Variants in MDGA2 observed in about 807,000 individuals in gnomAD.
MDGA2 encodes MAM domain containing glycosylphosphatidylinositol anchor 2.
A neutral mutation model predicts 117.8 loss-of-function variants in MDGA2; 40 were observed. The observed-to-expected ratio is 0.34, with a 90% confidence interval of 0.26 to 0.44. The LOEUF (loss-of-function observed/expected upper bound fraction) is 0.44. MDGA2 is among the 20% of genes least tolerant of loss of function. The pLI, the probability that MDGA2 is intolerant of heterozygous loss-of-function variation, is 1.00. For missense variants in MDGA2, 1,123 were observed against 1,250.6 expected (o/e 0.90, Z 1.54); for synonymous variants, 452 against 439.0 (o/e 1.03, Z -0.37).
At chr14:47,013,772 G>GTATGTATATATATATATA (rs1555343312) in intron 8 of MDGA2, among the ~76,000 whole-genome samples, 6 of 93,684 alleles carry the variant, frequency 6.4e-5, no homozygotes, top group Non-Finnish European at 1.1e-4. Context: ...TAATTTCCTT[G>GTATGTATATATATATATA]TATATATATA....
chr14:47,152,712 C>A (rs1333338922), intron 3 of MDGA2, among the ~76,000 whole-genome samples: 1 of 150,960 alleles, frequency 6.6e-6, no homozygotes, highest in Non-Finnish European at 1.5e-5. Flanking sequence ...AAAAAAAACA[C>A]AACACAATTA....
At chr14:47,121,934 G>A (rs960584676) in intron 5 of MDGA2, among the ~76,000 whole-genome samples, 7 of 151,978 alleles carry the variant, frequency 4.6e-5, no homozygotes, top group Non-Finnish European at 7.4e-5. Flanking sequence ...TAAGCCCCAT[G>A]TATAAAAGGA....
At chr14:47,555,091 T>TA (rs1566512639) in intron 1 of MDGA2, among the ~76,000 whole-genome samples, 1 of 152,126 alleles carries the variant, frequency 6.6e-6, no homozygotes, top group Non-Finnish European at 1.5e-5. Context: ...CAACAAGAGA[T>TA]ACAATTCCTA....
At chr14:47,462,886 G>T (rs1893520582) in intron 1 of MDGA2, among the ~76,000 whole-genome samples, 1 of 152,196 alleles carries the variant, frequency 6.6e-6, no homozygotes, top group Middle Eastern at 3.2e-3. Flanking sequence ...ATAAACATCA[G>T]ATGATCAAAG....
At chr14:47,123,956 T>C (rs528553922) in intron 5 of MDGA2, among the ~76,000 whole-genome samples, 1 of 152,186 alleles carries the variant, frequency 6.6e-6, no homozygotes, top group South Asian at 2.1e-4. Context: ...CCTTATACTT[T>C]TGAATGTTAA....
At chr14:46,883,590 C>T (rs1435746460) in intron 10 of MDGA2, among the ~76,000 whole-genome samples, 1 of 151,582 alleles carries the variant, frequency 6.6e-6, no homozygotes, top group African/African-American at 2.4e-5. Flanking sequence ...ATTGGAAAAA[C>T]AAAACCAAAA....
chr14:47,081,306 G>A lies in MDGA2; in HGVS notation c.1195+15548C>T, dbSNP rs191454484. Among the ~76,000 whole-genome samples the A allele has an allele frequency of 1.1e-4, 16 of 151,850 alleles. No homozygotes were observed. In the South Asian group the frequency reaches 1.5e-3, roughly 14 times the overall value. ...ATCTTTAGTCTACAGATGATGAAACGGAAACACGAACAACTTAATGATAAG... is the reference window on the plus strand; with the variant it reads ...ATCTTTAGTCTACAGATGATGAAACAGAAACACGAACAACTTAATGATAAG... On this transcript the variant is annotated intron_variant, in intron 6 of 16. Coordinates refer to ENST00000399232, the MANE Select transcript of MDGA2 (RefSeq NM_001113498.3).
intron 4 of MDGA2, among the ~76,000 whole-genome samples, chr14:47,140,224 G>A (rs953271668): frequency 6.6e-6 from 1 of 151,926 alleles, no homozygotes; most frequent in South Asian, 2.1e-4. Context: ...TTAATGGATT[G>A]GAAGAATTAA....
At chr14:47,583,638 TTAA>T (rs1380158317) in intron 1 of MDGA2, among the ~76,000 whole-genome samples, 1 of 151,876 alleles carries the variant, frequency 6.6e-6, no homozygotes, top group East Asian at 1.9e-4. Context: ...TGTCTGTTTA[TTAA>T]TAACTACCTG....
intron 6 of MDGA2, among the ~76,000 whole-genome samples, chr14:47,088,672 T>C (rs898082777): frequency 6.6e-6 from 1 of 152,174 alleles, no homozygotes; most frequent in Non-Finnish European, 1.5e-5. Flanking sequence ...ATTAATAGCT[T>C]AAGATATATA....
intron 1 of MDGA2, among the ~76,000 whole-genome samples, chr14:47,372,390 C>G (rs1428609554): frequency 6.6e-6 from 1 of 151,642 alleles, no homozygotes; most frequent in Admixed American, 6.6e-5. Flanking sequence ...AGAAAACAAA[C>G]AAATTTGATA....
intron 3 of MDGA2, among the ~76,000 whole-genome samples, chr14:47,172,709 C>A (rs558489042): frequency 1.3e-5 from 2 of 152,214 alleles, no homozygotes; most frequent in East Asian, 3.9e-4. Context: ...AAAAACAGAG[C>A]AGAAAAACTG....
intron 15 of MDGA2, among the ~76,000 whole-genome samples, chr14:46,853,372 C>T (rs1431400662): frequency 6.6e-6 from 1 of 151,694 alleles, no homozygotes. Flanking sequence ...AGAAAAACCT[C>T]AAATTTTATG....
intron 1 of MDGA2, among the ~76,000 whole-genome samples, chr14:47,359,799 C>A (rs1891077285): frequency 6.7e-6 from 1 of 149,744 alleles, no homozygotes; most frequent in South Asian, 2.1e-4. Flanking sequence ...AAAGAAAAGT[C>A]TCTTTATACC....
At chr14:47,373,187 A>T (rs970124412) in intron 1 of MDGA2, among the ~76,000 whole-genome samples, 1 of 152,050 alleles carries the variant, frequency 6.6e-6, no homozygotes, top group Non-Finnish European at 1.5e-5. Context: ...GGTGGGAGAG[A>T]TTTTTAATTG....
At chr14:47,042,134 G>C (rs1312860927) in intron 7 of MDGA2, among the ~76,000 whole-genome samples, 2 of 151,894 alleles carry the variant, frequency 1.3e-5, no homozygotes, top group African/African-American at 2.4e-5. Context: ...AGAATGTATA[G>C]TCTATATTTA....
intron 1 of MDGA2, among the ~76,000 whole-genome samples, chr14:47,518,430 T>G (rs1175304255): frequency 1.3e-5 from 2 of 152,212 alleles, no homozygotes; most frequent in Non-Finnish European, 2.9e-5. Context: ...AAACTTGGTA[T>G]AAACTGTTAT....
intron 6 of MDGA2, among the ~76,000 whole-genome samples, chr14:47,076,100 C>T (rs971034805): frequency 9.2e-5 from 14 of 151,880 alleles, no homozygotes; most frequent in Non-Finnish European, 2.1e-4. Flanking sequence ...ATAAATTAAT[C>T]CTTCTTATAC....
At chr14:46,920,292 A>T in intron 9 of MDGA2, 132 bp from the exon 10 acceptor site, 1 of 856,710 alleles carries the variant, frequency 1.2e-6, no homozygotes, top group Non-Finnish European at 1.7e-6. Flanking sequence ...AATTTTCTGG[A>T]TATGTTTTGA....
Sources: gnomAD v4.1 joint callset for allele counts (sites outside exome capture counted in the v4.1 genomes callset) on GRCh38, gnomAD v4.1.1 for gene constraint, MANE v1.5 for transcripts, NCBI Gene and HGNC (gene_info 2026-07-23, HGNC 2026-07-21) for gene names.